DNTTIP1: variants seen among roughly 807,000 people sequenced by gnomAD.
DNTTIP1 encodes the protein deoxynucleotidyltransferase terminal interacting protein 1.
Under a neutral mutation model 52.9 loss-of-function variants are expected in DNTTIP1, and 22 were observed. The observed-to-expected ratio is 0.42, with a 90% CI of 0.30 to 0.59. The LOEUF (loss-of-function observed/expected upper bound fraction) is 0.59, where lower values mean the gene tolerates loss of function less well. DNTTIP1 is among the 20% of genes least tolerant of loss of function. The pLI is 0.22. For synonymous variants in DNTTIP1, 136 were observed against 155.1 expected, an observed-to-expected ratio of 0.88 and a Z score of 0.92; for missense variants, 286 against 435.5, an observed-to-expected ratio of 0.66 and a Z score of 3.06.
In DNTTIP1 at chr20:45,797,063, G is replaced by A. The variant is rs138321275; in HGVS notation, c.372+1620G>A. ...CTGTGGCTTGGAAGCCAATTCAGCC[G>A]CTCATAATTCACACATTTATATCTC... On this transcript the variant is annotated intron_variant, in intron 4 of 12. Transcript: ENST00000372622. 1.1e-3 allele frequency among the ~76,000 whole-genome samples: 163 copies of A among 152,174 alleles called. 1 individual carries two copies. The South Asian group carries it at 0.011, about 11-fold the overall frequency.
intron 4 of DNTTIP1, among the ~76,000 whole-genome samples, chr20:45,797,156 C>T (rs67571923): frequency 0.061 from 9,331 of 152,208 alleles, 310 homozygotes; most frequent in Middle Eastern, 0.1. Flanking sequence ...GACTGATCTC[C>T]GTAAAGATGA....
chr20:45,803,327 A>T lies in DNTTIP1; in HGVS notation c.558-6A>T. The T allele has an allele frequency of 6.2e-7, 1 of 1,614,126 alleles. No homozygotes were observed. Among genetic ancestry groups the T allele is most frequent in the Non-Finnish European group, 8.5e-7 (1 of 1,179,990 alleles). ...GAATTCACCTTTATTCTTTCCTTCCAAGCAGATGGAAACCAAAATCCTGTG... is the reference window on the plus strand; with the variant it reads ...GAATTCACCTTTATTCTTTCCTTCCTAGCAGATGGAAACCAAAATCCTGTG... On this transcript the variant is annotated splice_region_variant and splice_polypyrimidine_tract_variant and intron_variant, in intron 7 of 12. Coordinates refer to ENST00000372622, the MANE Select transcript of DNTTIP1 (RefSeq NM_052951.3).
At chr20:45,805,070 G>C in intron 8 of DNTTIP1, 76 bp from the exon 9 acceptor site, 1 of 1,264,816 alleles carries the variant, frequency 7.9e-7, no homozygotes, top group South Asian at 1.2e-5. Context: ...GTTAGAAAAG[G>C]GTAGGGGGAG....
chr20:45,810,497 A>AC (rs1456927394), intron 11 of DNTTIP1, among the ~76,000 whole-genome samples: 1 of 150,384 alleles, frequency 6.6e-6, no homozygotes, highest in Non-Finnish European at 1.5e-5. Context: ...GTTATAACCC[A>AC]CCTTGGGTCC....
At chr20:45,794,302 C>A (rs1177744517) in intron 3 of DNTTIP1, among the ~76,000 whole-genome samples, 2 of 152,080 alleles carry the variant, frequency 1.3e-5, no homozygotes, top group African/African-American at 4.8e-5. Flanking sequence ...GTGCCCACCA[C>A]CTTGCAGGGC....
At chr20:45,799,020 A>C (rs1051798399) in intron 4 of DNTTIP1, among the ~76,000 whole-genome samples, 5 of 152,212 alleles carry the variant, frequency 3.3e-5, no homozygotes, top group Non-Finnish European at 4.4e-5. Flanking sequence ...CTGGAAAGGG[A>C]CAAAGTTTGG....
rs1295215303 is a variant in DNTTIP1, at chr20:45,805,419, A to G, written c.723+53A>G. ...CCATTGCATTGGGAGTAGACTGGGA[A>G]CTCCACTCAGCACAGAGAAGCTTAG... On this transcript the variant is annotated intron_variant, in intron 10 of 12. Coordinates refer to ENST00000372622, the MANE Select transcript of DNTTIP1 (RefSeq NM_052951.3). The G allele has an allele frequency of 9.5e-6, 15 of 1,584,584 alleles. 1 individual carries two copies. The South Asian group carries it at 1.3e-4, about 13-fold the overall frequency.
At chr20:45,810,078 A>G (rs1208610921) in intron 11 of DNTTIP1, among the ~76,000 whole-genome samples, 2 of 152,120 alleles carry the variant, frequency 1.3e-5, no homozygotes, top group Non-Finnish European at 2.9e-5. Context: ...GTGCACTTCT[A>G]CAGATGTTGG....
chr20:45,801,394 T>G lies in DNTTIP1; in HGVS notation c.442-8T>G. ...GCCTTCCACTGACTCCCTTCCCTTT[T>G]CTTTTAGCGTGGCCGTCAGGCAGAA... On this transcript the variant is annotated splice_polypyrimidine_tract_variant and splice_region_variant and intron_variant, in intron 5 of 12. Transcript: ENST00000372622. 1 of 1,614,144 alleles carries G rather than the reference T, an allele frequency of 6.2e-7. No individual in the cohort carries two copies. The highest frequency in any genetic ancestry group is 8.5e-7 in the Non-Finnish European group (1 of 1,180,008).
chr20:45,808,592 A>G (rs771152342), intron 10 of DNTTIP1, among the ~76,000 whole-genome samples: 32 of 152,174 alleles, frequency 2.1e-4, no homozygotes, highest in Non-Finnish European at 4.3e-4. Flanking sequence ...ATGAAGCAAG[A>G]TCATGCCATT....
At chr20:45,795,756 A>G (rs1981218501) in intron 4 of DNTTIP1, among the ~76,000 whole-genome samples, 1 of 152,164 alleles carries the variant, frequency 6.6e-6, no homozygotes, top group Non-Finnish European at 1.5e-5. Context: ...CCGAGATGGC[A>G]CCACTACACT....
Position 45,809,101 on chromosome 20 carries a change from T to A in DNTTIP1, c.724-13T>A. 6.2e-7 allele frequency: 1 copy of A among 1,613,672 alleles called. No homozygotes were observed. Among genetic ancestry groups the A allele is most frequent in the Non-Finnish European group, 8.5e-7 (1 of 1,179,546 alleles). ...ACCCGAGGCTAATTTTCTTACAACT[T>A]CATTCCTTACAGTATGCAGCTGACC... On this transcript the variant is annotated splice_polypyrimidine_tract_variant and intron_variant, in intron 10 of 12. Transcript: ENST00000372622. This position sits in a 1 kb window ranked among gnomAD's most constrained non-coding sequence, Gnocchi z 4.2.
At chr20:45,798,855 G>A (rs371007653) in intron 4 of DNTTIP1, among the ~76,000 whole-genome samples, 3 of 152,330 alleles carry the variant, frequency 2.0e-5, no homozygotes, top group East Asian at 3.9e-4. Flanking sequence ...AGAGTTTGCT[G>A]AATTATTGAG....
intron 3 of DNTTIP1, among the ~76,000 whole-genome samples, chr20:45,794,312 C>T (rs1481212500): frequency 6.6e-6 from 1 of 151,988 alleles, no homozygotes; most frequent in Non-Finnish European, 1.5e-5. Context: ...CCTTGCAGGG[C>T]TAATTTTTGT....
chr20:45,803,037 A>G (rs1228322153), intron 7 of DNTTIP1: 5 of 368,780 alleles, frequency 1.4e-5, no homozygotes, highest in Non-Finnish European at 2.5e-5. Flanking sequence ...TATTCCTCAC[A>G]AACACAAGAT....
intron 4 of DNTTIP1, among the ~76,000 whole-genome samples, chr20:45,796,215 A>G (rs1174871376): frequency 6.6e-6 from 1 of 152,198 alleles, no homozygotes; most frequent in Non-Finnish European, 1.5e-5. Flanking sequence ...CATAGATCTT[A>G]AGTGTCCACA....
Position 45,811,418 on chromosome 20 carries a change from A to G in DNTTIP1, c.*223A>G, listed in dbSNP as rs1981850830. 2.1e-6 allele frequency: 1 copy of G among 487,110 alleles called. No homozygotes were observed. The highest frequency in any genetic ancestry group is 3.6e-6 in the Non-Finnish European group (1 of 278,738). The allele number at this position is 487,110 out of a possible 1,614,324, so 30.2% of individuals were successfully genotyped here. On this transcript the variant is annotated 3_prime_UTR_variant, in exon 13 of 13. Coordinates refer to ENST00000372622, the MANE Select transcript of DNTTIP1 (RefSeq NM_052951.3). ...CAATTAAACAGTTTGTAGTAAACAC[A>G]GATGGTGAACCTGCTGTGCCCTCTA...
At chr20:45,797,152 T>G (rs1981268188) in intron 4 of DNTTIP1, among the ~76,000 whole-genome samples, 1 of 152,160 alleles carries the variant, frequency 6.6e-6, no homozygotes, top group South Asian at 2.1e-4. Flanking sequence ...GCCAGACTGA[T>G]CTCCGTAAAG....
intron 4 of DNTTIP1, among the ~76,000 whole-genome samples, chr20:45,798,248 C>T (rs968554769): frequency 2.0e-5 from 3 of 150,816 alleles, no homozygotes; most frequent in East Asian, 2.0e-4. Context: ...AACCAAACAC[C>T]GCATGTTCTC....
Sources: allele counts gnomAD v4.1 joint callset (sites outside exome capture counted in the v4.1 genomes callset), GRCh38; gene constraint gnomAD v4.1.1; non-coding constraint Gnocchi (gnomAD v3.1); transcripts MANE v1.5; gene names NCBI Gene and HGNC (gene_info 2026-07-23, HGNC 2026-07-21).